ACSM6: variants seen among roughly 807,000 people sequenced by gnomAD.
The protein encoded by ACSM6 is acyl-CoA synthetase medium chain family member 6, also known as acyl-coenzyme A synthetase ACSM6, mitochondrial.
A neutral mutation model predicts 51.1 loss-of-function variants in ACSM6; 35 were observed. The ratio of observed to expected loss-of-function variants is 0.69; its 90% confidence interval spans 0.52 to 0.91. The LOEUF is 0.91. Ranked by LOEUF, ACSM6 falls within the 40% of genes least tolerant of loss-of-function variation. The pLI is 0.00. For missense variants in ACSM6, 509 were observed against 584.1 expected, an observed-to-expected ratio of 0.87 and a Z score of 1.32; for synonymous variants, 172 against 207.3, an observed-to-expected ratio of 0.83 and a Z score of 1.46.
At chr10:95,228,614 T>A in intron 10 of ACSM6, 30 bp from the exon 11 acceptor site, 1 of 1,544,386 alleles carries the variant, frequency 6.5e-7, no homozygotes, top group Non-Finnish European at 8.7e-7. Context: ...GGGAAGTAAA[T>A]GTAGGTTTCT....
At chr10:95,202,318 G>A (rs1447721334) in intron 3 of ACSM6, 123 bp downstream of exon 3, 3 of 908,950 alleles carry the variant, frequency 3.3e-6, no homozygotes, top group South Asian at 1.6e-5. Context: ...CACAGTGTGG[G>A]GGATCTTTAA....
intron 2 of ACSM6, among the ~76,000 whole-genome samples, chr10:95,197,709 C>T (rs1244104784): frequency 6.6e-6 from 1 of 152,200 alleles, no homozygotes; most frequent in African/African-American, 2.4e-5. Context: ...AGACAGTGGC[C>T]TTCCTCTATC....
intron 9 of ACSM6, 103 bp downstream of exon 9, chr10:95,220,074 C>G: frequency 1.2e-6 from 1 of 840,300 alleles, no homozygotes; most frequent in Non-Finnish European, 1.9e-6. Context: ...GAAAGTCCAC[C>G]ATTCTCTAAA....
chr10:95,223,230 G>T (rs926924748), intron 9 of ACSM6, among the ~76,000 whole-genome samples: 1 of 151,460 alleles, frequency 6.6e-6, no homozygotes, highest in Non-Finnish European at 1.5e-5. Flanking sequence ...GCTTTGCGGT[G>T]AATTCTATCT....
rs536961670 is a variant in ACSM6 at position 95,211,804 on chromosome 10, G to C, written c.756-74G>C. On this transcript the variant is annotated intron_variant, in intron 5 of 10. Transcript: ENST00000341686. Reference sequence around the variant, plus strand: ...TGTTTCTCCCCACAGGTCAGGGCTTGATAATAGCAAGTATTATTGTTGTTG... The same window carrying C: ...TGTTTCTCCCCACAGGTCAGGGCTTCATAATAGCAAGTATTATTGTTGTTG... 5 of 1,430,628 alleles carry C rather than the reference G, an allele frequency of 3.5e-6. No individual in the cohort carries two copies. The South Asian group carries it at 6.9e-5, about 20-fold the overall frequency. The allele number at this position is 1,430,628 out of a possible 1,614,324, so 88.6% of individuals were successfully genotyped here.
At chr10:95,201,878 A>C in intron 2 of ACSM6, 107 bp from the exon 3 acceptor site, 1 of 897,096 alleles carries the variant, frequency 1.1e-6, no homozygotes. Context: ...CAGGCATCCT[A>C]GCCTCTCAAG....
chr10:95,197,512 T>C (rs1681759), intron 2 of ACSM6, among the ~76,000 whole-genome samples: 102,216 of 149,690 alleles, frequency 0.68, 35,609 homozygotes, highest in Non-Finnish European at 0.76. Context: ...TATGCCTGGA[T>C]GTGCACATAA....
chr10:95,228,416 T>C (rs967249483), intron 10 of ACSM6: 3 of 456,358 alleles, frequency 6.6e-6, no homozygotes, highest in African/African-American at 4.2e-5. Context: ...GTGCCATCAT[T>C]ACTCTTGTTT....
chr10:95,194,542 A>T, exon 2 of ACSM6: 2 of 1,551,788 alleles, frequency 1.3e-6, no homozygotes, highest in South Asian at 2.4e-5. Context: ...TGGGATTTGA[A>T]GCCTGCTGCT....
chr10:95,227,831 GC>G (rs1360002862), intron 10 of ACSM6, among the ~76,000 whole-genome samples: 1 of 152,216 alleles, frequency 6.6e-6, no homozygotes, highest in African/African-American at 2.4e-5. Flanking sequence ...ACTTTGGGAG[GC>G]CAAGGCAGGC....
At chr10:95,221,284 T>C (rs1459221437) in intron 9 of ACSM6, among the ~76,000 whole-genome samples, 2 of 152,114 alleles carry the variant, frequency 1.3e-5, no homozygotes, top group Non-Finnish European at 2.9e-5. Context: ...AGAATCCCTA[T>C]GAATAATTAT....
chr10:95,205,311 T>C (rs1358470566), intron 3 of ACSM6, among the ~76,000 whole-genome samples: 5 of 152,066 alleles, frequency 3.3e-5, no homozygotes, highest in Admixed American at 2.0e-4. Flanking sequence ...GAGTAACTCA[T>C]ATATAACAGA....
chr10:95,214,692 T>C (rs2034926202), intron 7 of ACSM6, among the ~76,000 whole-genome samples, 160 bp from the exon 8 acceptor site: 1 of 152,234 alleles, frequency 6.6e-6, no homozygotes, highest in Admixed American at 6.5e-5. Context: ...GGTGTCTGAA[T>C]AGATTATCTA....
chr10:95,198,623 C>G (rs950808529), intron 2 of ACSM6, among the ~76,000 whole-genome samples: 2 of 148,636 alleles, frequency 1.3e-5, no homozygotes, highest in Admixed American at 1.3e-4. Context: ...TGCACTCCAG[C>G]CTGGGCGACA....
At chr10:95,221,870 C>A (rs1434868737) in intron 9 of ACSM6, among the ~76,000 whole-genome samples, 3 of 152,116 alleles carry the variant, frequency 2.0e-5, no homozygotes, top group African/African-American at 7.2e-5. Context: ...AGATTCAACA[C>A]CTTTTGATGA....
chr10:95,212,868 G>A, exon 7 of ACSM6: 1 of 1,613,298 alleles, frequency 6.2e-7, no homozygotes, highest in East Asian at 2.2e-5. Flanking sequence ...GTCCTGTCCA[G>A]ATTTCCCATC....
At chr10:95,212,604 T>C (rs1180986674) in intron 6 of ACSM6, among the ~76,000 whole-genome samples, 1 of 152,212 alleles carries the variant, frequency 6.6e-6, no homozygotes, top group Non-Finnish European at 1.5e-5. Flanking sequence ...CAGAAGTAAA[T>C]GCCTCGCTGT....
At chr10:95,201,183 A>G (rs1197037466) in intron 2 of ACSM6, among the ~76,000 whole-genome samples, 1 of 152,202 alleles carries the variant, frequency 6.6e-6, no homozygotes, top group African/African-American at 2.4e-5. Context: ...TCTTAAAAAA[A>G]TTTAGACTCA....
rs1468565192 is a variant in ACSM6, at chr10:95,212,957, C to T, written c.995+17C>T. ...TTTCACCAGGTAAGAGAGGATCCCT[C>T]AGGAGAGAGTCCATTTCCACTCATG... On this transcript the variant is annotated intron_variant, in intron 7 of 10. Transcript: ENST00000341686. The T allele has an allele frequency of 6.3e-7, 1 of 1,579,592 alleles. No individual in the cohort carries two copies. The highest frequency in any genetic ancestry group is 1.1e-5 in the South Asian group (1 of 90,306).
Sources: gnomAD v4.1 joint callset for allele counts (sites outside exome capture counted in the v4.1 genomes callset) on GRCh38, gnomAD v4.1.1 for gene constraint, MANE v1.5 for transcripts, NCBI Gene and HGNC (gene_info 2026-07-23, HGNC 2026-07-21) for gene names.